The following LRRC28 variants were observed in gnomAD, a reference collection of about 807,000 sequenced individuals.
The protein encoded by LRRC28 is leucine-rich repeat-containing protein 28.
In LRRC28, 39 loss-of-function variants were observed where a neutral mutation model predicts 45.7. The ratio of observed to expected loss-of-function variants is 0.85; its 90% CI spans 0.66 to 1.12. LRRC28 has a LOEUF of 1.12. LRRC28 is among the 50% of genes most tolerant of loss of function. The pLI is 0.00. For synonymous variants in LRRC28, 206 were observed against 178.8 expected, an observed-to-expected ratio of 1.15 and a Z score of -1.22; for missense variants, 435 against 438.5, an observed-to-expected ratio of 0.99 and a Z score of 0.07.
At chr15:99,350,948 A>G (rs1246037672) in intron 6 of LRRC28, among the ~76,000 whole-genome samples, 1 of 152,156 alleles carries the variant, frequency 6.6e-6, no homozygotes, top group East Asian at 1.9e-4. Flanking sequence ...GACACATGCC[A>G]GCACACCTGG....
At chr15:99,356,609 A>G (rs1453900100) in intron 7 of LRRC28, among the ~76,000 whole-genome samples, 1 of 152,214 alleles carries the variant, frequency 6.6e-6, no homozygotes, top group East Asian at 1.9e-4. Context: ...GAAAATAGGG[A>G]GAGAATGGGT....
At chr15:99,386,001 C>A in intron 9 of LRRC28, 29 bp from the exon 10 acceptor site, 2 of 1,596,542 alleles carry the variant, frequency 1.3e-6, no homozygotes, top group South Asian at 1.1e-5. Flanking sequence ...GAACTCACAG[C>A]GTTCTTCTCT....
intron 6 of LRRC28, among the ~76,000 whole-genome samples, chr15:99,340,922 A>C (rs1198079264): frequency 6.6e-6 from 1 of 152,166 alleles, no homozygotes; most frequent in Non-Finnish European, 1.5e-5. Context: ...AAATCCATAC[A>C]GATCTTGTTT....
rs2081116937 is a variant in LRRC28, at chr15:99,259,167, C to T, written c.168+3042C>T. On this transcript the variant is annotated intron_variant, in intron 2 of 9. Coordinates refer to ENST00000301981, the MANE Select transcript of LRRC28 (RefSeq NM_144598.5). ...CTTAGGTTCCAGTCTTCTCATCATC[C>T]AGCTGACATTACTAGCCTACACCAG... 15 of 1,253,336 alleles carry T rather than the reference C, an allele frequency of 1.2e-5. 1 individual carries two copies. The highest frequency in any genetic ancestry group is 1.2e-5 in the South Asian group (1 of 83,680). The allele number at this position is 1,253,336 out of a possible 1,614,324, so 77.6% of individuals were successfully genotyped here.
Position 99,310,995 on chromosome 15 carries a change from A to G in LRRC28, c.386-22928A>G, listed in dbSNP as rs1955386381. On this transcript the variant is annotated intron_variant, in intron 5 of 9. Transcript: ENST00000301981. ...AATAAACAAAAAACCACAGTGAGTA[A>G]TGCACGTAGGTCTTGGCCCTGTGTG... Among the ~76,000 whole-genome samples, 3 of 152,206 alleles carry G rather than the reference A, an allele frequency of 2.0e-5. 1 individual carries two copies. In the South Asian group the frequency reaches 6.2e-4, roughly 32 times the overall value.
Position 99,275,518 on chromosome 15 carries a change from G to C in LRRC28, c.169-1058G>C, listed in dbSNP as rs530275767. Among the ~76,000 whole-genome samples the C allele has an allele frequency of 7.9e-5, 12 of 152,324 alleles. No homozygotes were observed. The East Asian group carries it at 2.3e-3, about 29-fold the overall frequency. On this transcript the variant is annotated intron_variant, in intron 2 of 9. Transcript: ENST00000301981. ...TACTTTCTCTCGAGGAGCATGATTT[G>C]GGAATTTGGAGGATATATTAGTTTT... is the stretch of plus-strand genomic sequence containing the variant.
intron 6 of LRRC28, among the ~76,000 whole-genome samples, chr15:99,337,275 C>T (rs1240625329): frequency 6.6e-6 from 1 of 152,216 alleles, no homozygotes; most frequent in East Asian, 1.9e-4. Context: ...AGGAAGCTGA[C>T]CACTGTAATG....
intron 2 of LRRC28, among the ~76,000 whole-genome samples, chr15:99,261,115 T>C (rs1212954224): frequency 2.0e-5 from 3 of 152,204 alleles, no homozygotes; most frequent in Non-Finnish European, 4.4e-5. Context: ...TGGCTTGTAT[T>C]TGTAGGACGA....
chr15:99,281,378 A>G (rs2081785884), intron 3 of LRRC28, among the ~76,000 whole-genome samples: 1 of 152,046 alleles, frequency 6.6e-6, no homozygotes, highest in Non-Finnish European at 1.5e-5. Context: ...CAGCCTCCCA[A>G]AGCTCTGGGA....
chr15:99,317,235 T>C lies in LRRC28; in HGVS notation c.386-16688T>C, dbSNP rs529711644. 8.5e-5 allele frequency among the ~76,000 whole-genome samples: 13 copies of C among 152,314 alleles called. No homozygotes were observed. The South Asian group carries it at 1.7e-3, about 19-fold the overall frequency. ...TATTAGAGCTACTATTAAAAATGTC[T>C]ATGCCTTTCTGATGGAATACCTAGG... On this transcript the variant is annotated intron_variant, in intron 5 of 9. Transcript: ENST00000301981.
intron 5 of LRRC28, among the ~76,000 whole-genome samples, chr15:99,291,862 A>G (rs1337177329): frequency 6.6e-6 from 1 of 152,234 alleles, no homozygotes; most frequent in Non-Finnish European, 1.5e-5. Context: ...TTTAGCCATC[A>G]TAGTGGGTGT....
At chr15:99,305,989 C>T (rs1955168161) in intron 5 of LRRC28, among the ~76,000 whole-genome samples, 2 of 152,202 alleles carry the variant, frequency 1.3e-5, no homozygotes, top group Non-Finnish European at 2.9e-5. Flanking sequence ...TTTTTAACAA[C>T]ATGATTAAGG....
chr15:99,265,805 A>C (rs1220993003), intron 2 of LRRC28, among the ~76,000 whole-genome samples: 1 of 152,138 alleles, frequency 6.6e-6, no homozygotes, highest in Non-Finnish European at 1.5e-5. Flanking sequence ...TCCTTTATTT[A>C]CAAGAAAAAA....
chr15:99,329,526 A>G (rs1044397374), intron 5 of LRRC28, among the ~76,000 whole-genome samples: 9 of 152,230 alleles, frequency 5.9e-5, no homozygotes, highest in Non-Finnish European at 1.2e-4. Flanking sequence ...CGAGAGTTCT[A>G]ATTTATTGTG....
At chr15:99,317,044 AC>A (rs1955622617) in intron 5 of LRRC28, among the ~76,000 whole-genome samples, 1 of 150,776 alleles carries the variant, frequency 6.6e-6, no homozygotes, top group Non-Finnish European at 1.5e-5. Flanking sequence ...TTTTTAAAGC[AC>A]AGCCTAAAGT....
chr15:99,271,764 T>C (rs1439416130), intron 2 of LRRC28, among the ~76,000 whole-genome samples: 2 of 152,024 alleles, frequency 1.3e-5, no homozygotes, highest in African/African-American at 4.8e-5. Flanking sequence ...GCCCGGCTAA[T>C]TTTTTTGTAT....
chr15:99,294,590 A>G (rs755568952), intron 5 of LRRC28, among the ~76,000 whole-genome samples: 2 of 152,038 alleles, frequency 1.3e-5, no homozygotes, highest in Admixed American at 6.5e-5. Flanking sequence ...GTGAGGGCTT[A>G]TTTTCTGATT....
intron 5 of LRRC28, among the ~76,000 whole-genome samples, chr15:99,289,981 G>A (rs1311810897): frequency 1.3e-5 from 2 of 150,208 alleles, no homozygotes; most frequent in Non-Finnish European, 3.0e-5. Context: ...AGTCAGGCTG[G>A]GCGCAGTGGA....
At chr15:99,345,239 A>G (rs1024718311) in intron 6 of LRRC28, among the ~76,000 whole-genome samples, 2 of 151,908 alleles carry the variant, frequency 1.3e-5, no homozygotes, top group Non-Finnish European at 2.9e-5. Flanking sequence ...CTAGTATGCC[A>G]CACCCCTTAC....
Sources: allele counts gnomAD v4.1 joint callset (sites outside exome capture counted in the v4.1 genomes callset), GRCh38; gene constraint gnomAD v4.1.1; transcripts MANE v1.5; gene names NCBI Gene and HGNC (gene_info 2026-07-23, HGNC 2026-07-21).